Variants in CDH17 observed in about 807,000 individuals in gnomAD.
CDH17 encodes cadherin 17, also known as cadherin-17.
Under a neutral mutation model 86.3 loss-of-function variants are expected in CDH17, and 67 were observed. The ratio of observed to expected loss-of-function variants is 0.78; its 90% confidence interval spans 0.64 to 0.95. The LOEUF (loss-of-function observed/expected upper bound fraction) is 0.95. CDH17 is among the 40% of genes least tolerant of loss of function. The pLI, the probability that CDH17 is intolerant of heterozygous loss-of-function variation, is 0.00. For missense variants in CDH17, 993 were observed against 1,017.6 expected, an observed-to-expected ratio of 0.98 and a Z score of 0.33; for synonymous variants, 367 against 366.4, an observed-to-expected ratio of 1.00 and a Z score of -0.02.
Position 94,145,976 on chromosome 8 carries a change from G to A in CDH17, c.2119C>T (p.Leu707Phe). ...LFRGPHFTFS[L>F]GSGSLQNDWE... ...TCGTTTTGTAAGCTTCCACTGCCGA[G>A]GGAAAATGTAAAATGGGGACCCCGA... Residue 707 changes from leucine (L) to phenylalanine (F), a missense_variant, in exon 15 of 18, where the codon CTC becomes TTC. By Grantham distance (22) the Leu-to-Phe change is conservative (BLOSUM62 0). Transcript: ENST00000027335. 6.2e-7 allele frequency: 1 copy of A among 1,613,670 alleles called. No individual in the cohort carries two copies. Among genetic ancestry groups the A allele is most frequent in the African/African-American group, 1.3e-5 (1 of 74,966 alleles).
chr8:94,146,247 T>G, intron 14 of CDH17, 80 bp from the exon 15 acceptor site: 1 of 1,327,618 alleles, frequency 7.5e-7, no homozygotes, highest in South Asian at 2.1e-5. Flanking sequence ...TTCTTTAAAA[T>G]TCAAGGAGTT....
chr8:94,215,091 C>T (rs1393202568), intron 1 of CDH17, among the ~76,000 whole-genome samples: 2 of 152,104 alleles, frequency 1.3e-5, no homozygotes, highest in Non-Finnish European at 2.9e-5. Context: ...GGAGTTTTAA[C>T]AAAAACTTAA....
chr8:94,212,156 CT>C (rs1255005369), upstream of CDH17, among the ~76,000 whole-genome samples: 1 of 152,174 alleles, frequency 6.6e-6, no homozygotes, highest in Non-Finnish European at 1.5e-5. Flanking sequence ...CCATGTAGCT[CT>C]TACTTTTTTG....
At chr8:94,143,734 C>A (rs1174775763) in intron 15 of CDH17, among the ~76,000 whole-genome samples, 1 of 152,180 alleles carries the variant, frequency 6.6e-6, no homozygotes, top group African/African-American at 2.4e-5. Flanking sequence ...CATAAATCAA[C>A]CTCTGCTAGC....
chr8:94,213,172 A>G (rs913880660), upstream of CDH17, among the ~76,000 whole-genome samples: 3 of 152,134 alleles, frequency 2.0e-5, no homozygotes, highest in African/African-American at 7.2e-5. Flanking sequence ...GATAGGTTCT[A>G]TGTTGCTCAG....
At chr8:94,152,438 G>T (rs1256707346) in intron 12 of CDH17, among the ~76,000 whole-genome samples, 1 of 152,156 alleles carries the variant, frequency 6.6e-6, no homozygotes, top group Non-Finnish European at 1.5e-5. Context: ...CCAGCCTTGA[G>T]CCTTGAGTGC....
intron 3 of CDH17, among the ~76,000 whole-genome samples, chr8:94,180,998 T>A (rs1045655547): frequency 1.0e-4 from 15 of 144,902 alleles, no homozygotes; most frequent in Admixed American, 1.4e-4. Flanking sequence ...AAGTAAGAAC[T>A]GTAAATCCTA....
At chr8:94,172,801 G>C (rs1029351587) in intron 7 of CDH17, among the ~76,000 whole-genome samples, 5 of 152,162 alleles carry the variant, frequency 3.3e-5, no homozygotes, top group African/African-American at 1.2e-4. Flanking sequence ...CCCAGGGTAA[G>C]AGCACATGCC....
intron 3 of CDH17, among the ~76,000 whole-genome samples, chr8:94,187,618 A>T (rs114743207): frequency 6.6e-6 from 1 of 151,736 alleles, no homozygotes; most frequent in East Asian, 1.9e-4. Flanking sequence ...ATTCAGATCC[A>T]TTGCTTTTGA....
chr8:94,206,915 G>T (rs541979108), intron 1 of CDH17, among the ~76,000 whole-genome samples: 1 of 152,040 alleles, frequency 6.6e-6, no homozygotes, highest in East Asian at 1.9e-4. Flanking sequence ...CAAAGTACTG[G>T]AATTACAGGA....
chr8:94,200,476 A>C (rs1161875733), intron 1 of CDH17, among the ~76,000 whole-genome samples: 3 of 138,282 alleles, frequency 2.2e-5, no homozygotes, highest in Non-Finnish European at 4.6e-5. Context: ...TACAGCAATT[A>C]TTTGAGAGAC....
At chr8:94,171,193 G>A (rs1457977040) in intron 7 of CDH17, among the ~76,000 whole-genome samples, 1 of 152,156 alleles carries the variant, frequency 6.6e-6, no homozygotes, top group Admixed American at 6.5e-5. Flanking sequence ...AAGCACACCA[G>A]GAAATGTTTC....
chr8:94,138,230 T>TA (rs1349835317), intron 15 of CDH17, among the ~76,000 whole-genome samples: 3 of 152,096 alleles, frequency 2.0e-5, no homozygotes, highest in Non-Finnish European at 4.4e-5. Context: ...TATTTAAAAA[T>TA]TATTATGGCC....
chr8:94,188,404 C>A (rs1443013204), intron 3 of CDH17, among the ~76,000 whole-genome samples: 1 of 152,178 alleles, frequency 6.6e-6, no homozygotes, highest in Non-Finnish European at 1.5e-5. Context: ...AGGCACTTGC[C>A]TTAGAAGGTA....
At position 94,140,038 on chromosome 8, in the gene CDH17, G is replaced by A. The variant is rs148790112; in HGVS notation, c.2167+5890C>T. Among the ~76,000 whole-genome samples the A allele has an allele frequency of 1.9e-4, 29 of 152,266 alleles. No homozygotes were observed. In the East Asian group the frequency reaches 5.4e-3, roughly 28 times the overall value. On this transcript the variant is annotated intron_variant, in intron 15 of 17. Transcript: ENST00000027335. Reference sequence around the variant, plus strand: ...AGAAGTTAGAAAGGTATAAGGTATAGGAAATATTCCCAGAATATTTGGAAA... The same window carrying A: ...AGAAGTTAGAAAGGTATAAGGTATAAGAAATATTCCCAGAATATTTGGAAA...
chr8:94,155,449 G>A (rs1470708512), intron 12 of CDH17, among the ~76,000 whole-genome samples: 1 of 152,026 alleles, frequency 6.6e-6, no homozygotes, highest in African/African-American at 2.4e-5. Flanking sequence ...CAAAGTCCGG[G>A]CCCAGGCAGG....
chr8:94,183,643 C>A (rs971381415), intron 3 of CDH17, among the ~76,000 whole-genome samples: 1 of 151,778 alleles, frequency 6.6e-6, no homozygotes. Flanking sequence ...ATCTTTATGA[C>A]CCCGAATGAG....
rs377285096 is a variant in CDH17, at chr8:94,162,054, T to C, written c.1359+32A>G. 7 of 1,299,276 alleles carry C rather than the reference T, an allele frequency of 5.4e-6. No individual in the cohort carries two copies. The African/African-American group carries it at 9.1e-5, about 17-fold the overall frequency. The allele number at this position is 1,299,276 out of a possible 1,614,324, so 80.5% of individuals were successfully genotyped here. ...AAAGGGTGAAGTAAAATGAATAAAG[T>C]AAAGAAAAAACAAATAATGACAACT... On this transcript the variant is annotated intron_variant, in intron 11 of 17. Transcript: ENST00000027335.
At chr8:94,137,095 G>A (rs1022041285) in intron 15 of CDH17, among the ~76,000 whole-genome samples, 1 of 152,198 alleles carries the variant, frequency 6.6e-6, no homozygotes, top group African/African-American at 2.4e-5. Context: ...CTACATGGGG[G>A]TTTGGGACCC....
Sources: gnomAD v4.1 joint callset for allele counts (sites outside exome capture counted in the v4.1 genomes callset) on GRCh38, gnomAD v4.1.1 for gene constraint, MANE v1.5 for transcripts, NCBI Gene and HGNC (gene_info 2026-07-23, HGNC 2026-07-21) for gene names.